Variants in SLC25A21 observed in about 807,000 individuals in gnomAD.
The protein encoded by SLC25A21 is mitochondrial 2-oxodicarboxylate carrier.
In SLC25A21, 47 loss-of-function variants were observed where a neutral mutation model predicts 43.8. The ratio of observed to expected loss-of-function variants is 1.07; its 90% confidence interval spans 0.85 to 1.37. The LOEUF (loss-of-function observed/expected upper bound fraction) is 1.37, where lower values mean the gene tolerates loss of function less well. Among genes scored for constraint, SLC25A21 ranks in the 40% most tolerant of loss-of-function variants. SLC25A21 has a pLI of 0.00. For missense variants in SLC25A21, 352 were observed against 350.2 expected, an observed-to-expected ratio of 1.00 and a Z score of -0.04; for synonymous variants, 131 against 121.3, an observed-to-expected ratio of 1.08 and a Z score of -0.52.
intron 1 of SLC25A21, among the ~76,000 whole-genome samples, chr14:37,137,276 C>A (rs1440218382): frequency 1.3e-5 from 2 of 152,274 alleles, no homozygotes; most frequent in South Asian, 2.1e-4. Context: ...GGATTACAGG[C>A]GTGAGCCACC....
At position 36,679,615 on chromosome 14, in the gene SLC25A21, A is replaced by G; in HGVS notation, c.*1043T>C. On this transcript the variant is annotated 3_prime_UTR_variant, in exon 10 of 10. Coordinates refer to ENST00000331299, the MANE Select transcript of SLC25A21 (RefSeq NM_030631.4). ...AATGCTAAGTGTATTTCTTTTTCAG[A>G]ACATTTCCCCTTCATCATACATATT... is the stretch of plus-strand genomic sequence containing the variant. 2.0e-6 allele frequency: 2 copies of G among 985,396 alleles called. No individual in the cohort carries two copies. The highest frequency in any genetic ancestry group is 2.4e-6 in the Non-Finnish European group (2 of 829,904). 61.0% of individuals were successfully genotyped at this position (985,396 alleles called of 1,614,324 possible).
chr14:36,843,552 C>T (rs712368), intron 2 of SLC25A21, among the ~76,000 whole-genome samples: 28,805 of 152,152 alleles, frequency 0.19, 3,410 homozygotes, highest in Non-Finnish European at 0.26. Context: ...CTCTTTCTCA[C>T]TCTGTATATC....
chr14:36,790,217 G>A (rs1419302620), intron 3 of SLC25A21, among the ~76,000 whole-genome samples: 1 of 151,460 alleles, frequency 6.6e-6, no homozygotes, highest in Non-Finnish European at 1.5e-5. Flanking sequence ...TAATTCAAAG[G>A]TAATAAGCAG....
intron 1 of SLC25A21, among the ~76,000 whole-genome samples, chr14:37,006,143 T>C (rs1404669410): frequency 3.9e-5 from 6 of 152,072 alleles, no homozygotes; most frequent in African/African-American, 1.4e-4. Context: ...CATTCTTGGC[T>C]CCAGCCCACC....
At chr14:36,863,588 G>T (rs1311545312) in intron 2 of SLC25A21, among the ~76,000 whole-genome samples, 1 of 152,126 alleles carries the variant, frequency 6.6e-6, no homozygotes, top group East Asian at 1.9e-4. Flanking sequence ...TAACATAATA[G>T]AACTTTGTTA....
intron 3 of SLC25A21, among the ~76,000 whole-genome samples, chr14:36,798,286 G>A (rs1887742238): frequency 1.3e-5 from 2 of 152,092 alleles, no homozygotes; most frequent in African/African-American, 4.8e-5. Flanking sequence ...TTCCTATGGG[G>A]ACAGTTTATT....
chr14:37,123,942 A>G (rs1344950557), intron 1 of SLC25A21, among the ~76,000 whole-genome samples: 14 of 152,124 alleles, frequency 9.2e-5, no homozygotes, highest in Admixed American at 9.2e-4. Context: ...GTTATTAGTG[A>G]TTTTAACTTC....
At chr14:36,837,503 G>A (rs1225250467) in intron 2 of SLC25A21, among the ~76,000 whole-genome samples, 1 of 152,144 alleles carries the variant, frequency 6.6e-6, no homozygotes, top group Non-Finnish European at 1.5e-5. Context: ...ACAATTGTGA[G>A]GACAAGAGGT....
intron 1 of SLC25A21, among the ~76,000 whole-genome samples, chr14:37,038,963 C>G (rs1594763874): frequency 6.6e-6 from 1 of 152,162 alleles, no homozygotes; most frequent in Non-Finnish European, 1.5e-5. Flanking sequence ...TGCCCTTCCC[C>G]AGCCCCCTCT....
chr14:36,876,900 GATA>G (rs1170940934), intron 1 of SLC25A21, among the ~76,000 whole-genome samples: 1 of 121,244 alleles, frequency 8.2e-6, no homozygotes, highest in African/African-American at 3.2e-5. Flanking sequence ...TGGGATTATA[GATA>G]GATAGATAGA....
intron 1 of SLC25A21, among the ~76,000 whole-genome samples, chr14:37,129,829 T>G (rs917239432): frequency 6.6e-6 from 1 of 151,858 alleles, no homozygotes; most frequent in Non-Finnish European, 1.5e-5. Context: ...CTATTTAACT[T>G]ATATTTATTT....
chr14:36,977,362 C>A (rs1594732129), intron 1 of SLC25A21, among the ~76,000 whole-genome samples: 1 of 152,168 alleles, frequency 6.6e-6, no homozygotes, highest in East Asian at 1.9e-4. Context: ...AGAAGGCCCC[C>A]CTGTACATAG....
intron 1 of SLC25A21, among the ~76,000 whole-genome samples, chr14:37,096,534 T>C (rs981059620): frequency 2.0e-5 from 3 of 152,214 alleles, no homozygotes; most frequent in Non-Finnish European, 4.4e-5. Flanking sequence ...TTTCTAGATC[T>C]TGTAAACACT....
In SLC25A21 at chr14:36,885,874, C is replaced by T. The variant is rs142151523; in HGVS notation, c.71-10870G>A. 8.3e-4 allele frequency among the ~76,000 whole-genome samples: 126 copies of T among 152,266 alleles called. 1 individual carries two copies. Among genetic ancestry groups the T allele is most frequent in the African/African-American group, 3.0e-3 (125 of 41,574 alleles). On this transcript the variant is annotated intron_variant, in intron 1 of 9. Coordinates refer to ENST00000331299, the MANE Select transcript of SLC25A21 (RefSeq NM_030631.4). ...TCTTTTTATCAGGCCCAAATCTTTG[C>T]ATTGTACTACTGCCACTTCCTTGAT...
chr14:36,896,734 G>A (rs1030966411), intron 1 of SLC25A21, among the ~76,000 whole-genome samples: 2 of 152,170 alleles, frequency 1.3e-5, no homozygotes, highest in Admixed American at 1.3e-4. Flanking sequence ...GGCAGGCCTG[G>A]TGGTGACAAA....
intron 2 of SLC25A21, among the ~76,000 whole-genome samples, chr14:36,866,001 T>C (rs1411588086): frequency 1.3e-5 from 2 of 152,154 alleles, no homozygotes; most frequent in East Asian, 1.9e-4. Flanking sequence ...AAGTATGCAT[T>C]GGCCTATCCA....
intron 3 of SLC25A21, among the ~76,000 whole-genome samples, chr14:36,752,299 GA>G (rs1403792734): frequency 6.6e-6 from 1 of 152,180 alleles, no homozygotes; most frequent in Non-Finnish European, 1.5e-5. Context: ...TTGCTTTTGG[GA>G]ATGTAAAGTG....
At chr14:36,820,561 C>T (rs931967355) in intron 2 of SLC25A21, among the ~76,000 whole-genome samples, 3 of 152,200 alleles carry the variant, frequency 2.0e-5, no homozygotes, top group Non-Finnish European at 2.9e-5. Flanking sequence ...CTGCCACTGA[C>T]TCACAGTGTA....
At chr14:36,703,199 T>C (rs1883356659) in intron 7 of SLC25A21, among the ~76,000 whole-genome samples, 1 of 152,174 alleles carries the variant, frequency 6.6e-6, no homozygotes, top group Non-Finnish European at 1.5e-5. Flanking sequence ...CTAATTCTAT[T>C]GAGATTCTTC....
Sources: gnomAD v4.1 joint callset for allele counts (sites outside exome capture counted in the v4.1 genomes callset) on GRCh38, gnomAD v4.1.1 for gene constraint, MANE v1.5 for transcripts, NCBI Gene and HGNC (gene_info 2026-07-23, HGNC 2026-07-21) for gene names.